The following RASGRP1 variants were observed in gnomAD, a reference collection of about 807,000 sequenced individuals.
RASGRP1 encodes the protein RAS guanyl releasing protein 1.
Under a neutral mutation model 95.1 loss-of-function variants are expected in RASGRP1, and 37 were observed. That is an observed-to-expected ratio of 0.39 (90% confidence interval 0.30 to 0.51). The LOEUF is 0.51. Among genes scored for constraint, RASGRP1 ranks in the 20% least tolerant of loss-of-function variants. The pLI is 0.80. For synonymous variants in RASGRP1, 325 were observed against 353.4 expected (o/e 0.92, Z 0.90); for missense variants, 711 against 965.4 (o/e 0.74, Z 3.49).
chr15:38,513,100 C>T, intron 6 of RASGRP1, 144 bp from the exon 7 acceptor site: 1 of 779,986 alleles, frequency 1.3e-6, no homozygotes, highest in Non-Finnish European at 1.8e-6. Context: ...TGCTCTTCTG[C>T]ATCTTGGCCA....
intron 7 of RASGRP1, among the ~76,000 whole-genome samples, chr15:38,512,433 C>T (rs549500062): frequency 1.3e-5 from 2 of 152,332 alleles, no homozygotes; most frequent in Admixed American, 1.3e-4. Flanking sequence ...GATGGTCCAG[C>T]TCCAGTAAAT....
rs756619659 is a variant in RASGRP1 at position 38,502,356 on chromosome 15, A to T, written c.1494T>A (p.Ile498=). ...GYISQEEFEK[I]AASFPFSFCV... ...AGAAGGAAAATGGAAAACTCGCAGCAATCTTTTCAAATTCTTCCTGAGAAA... is the reference window on the plus strand; with the variant it reads ...AGAAGGAAAATGGAAAACTCGCAGCTATCTTTTCAAATTCTTCCTGAGAAA... The change falls in exon 12 of 17, where the codon ATT becomes ATA. Residue 498 remains isoleucine, a synonymous_variant. Transcript: ENST00000310803. The T allele has an allele frequency of 2.2e-5, 36 of 1,605,218 alleles. No homozygotes were observed. The Middle Eastern group carries it at 6.6e-4, about 29-fold the overall frequency.
intron 7 of RASGRP1, 101 bp from the exon 8 acceptor site, chr15:38,511,821 C>T (rs938686832): frequency 1.6e-5 from 11 of 689,022 alleles, no homozygotes; most frequent in African/African-American, 3.6e-5. Flanking sequence ...GTCTCCCTTA[C>T]GCTGGTTAAA....
chr15:38,543,021 G>C (rs1332428388), intron 2 of RASGRP1, among the ~76,000 whole-genome samples: 3 of 150,360 alleles, frequency 2.0e-5, no homozygotes, highest in Non-Finnish European at 4.4e-5. Flanking sequence ...CTTTTGATGA[G>C]AAGTTTTTGA....
At chr15:38,497,463 C>A (rs1457301690) in intron 15 of RASGRP1, among the ~76,000 whole-genome samples, 1 of 151,874 alleles carries the variant, frequency 6.6e-6, no homozygotes, top group African/African-American at 2.4e-5. Context: ...TACTGTACAT[C>A]CTATCTGGAA....
chr15:38,501,469 T>A, intron 12 of RASGRP1, 182 bp from the exon 13 acceptor site: 1 of 781,604 alleles, frequency 1.3e-6, no homozygotes, highest in Non-Finnish European at 2.2e-6. Flanking sequence ...TGACATGTGG[T>A]AAGTAGGTAA....
intron 7 of RASGRP1, 48 bp downstream of exon 7, chr15:38,512,735 A>C: frequency 6.2e-7 from 1 of 1,605,034 alleles, no homozygotes; most frequent in Non-Finnish European, 8.5e-7. Context: ...AAGGGGATAG[A>C]AAGTTTACCT....
intron 2 of RASGRP1, among the ~76,000 whole-genome samples, chr15:38,542,869 A>ATATGTG (rs1372944504): frequency 7.1e-6 from 1 of 140,428 alleles, no homozygotes; most frequent in Non-Finnish European, 1.5e-5. Context: ...ATACACATAT[A>ATATGTG]TGTGTATATA....
intron 2 of RASGRP1, among the ~76,000 whole-genome samples, chr15:38,541,983 G>A (rs1338520314): frequency 3.3e-5 from 5 of 152,098 alleles, no homozygotes; most frequent in African/African-American, 7.2e-5. Context: ...TAGACTAAGA[G>A]GCAGGTGAGA....
chr15:38,553,505 C>T (rs1893420118), intron 2 of RASGRP1, among the ~76,000 whole-genome samples: 1 of 152,164 alleles, frequency 6.6e-6, no homozygotes, highest in Non-Finnish European at 1.5e-5. Context: ...CAGTTCCTCC[C>T]CAGCTAAGCC....
intron 1 of RASGRP1, among the ~76,000 whole-genome samples, chr15:38,561,497 A>G (rs1373690163): frequency 2.0e-5 from 3 of 152,242 alleles, no homozygotes; most frequent in South Asian, 2.1e-4. Flanking sequence ...CTGACAGGAT[A>G]TAATCTCAAC....
At chr15:38,511,453 A>G (rs1282175167) in intron 8 of RASGRP1, 151 bp downstream of exon 8, 13 of 601,058 alleles carry the variant, frequency 2.2e-5, no homozygotes, top group Non-Finnish European at 3.9e-5. Flanking sequence ...CATCCTATGG[A>G]TTTCCTTAAG....
chr15:38,533,276 C>T (rs1428433972), intron 2 of RASGRP1, among the ~76,000 whole-genome samples: 1 of 152,142 alleles, frequency 6.6e-6, no homozygotes, highest in Admixed American at 6.5e-5. Context: ...AAGGTTAGAG[C>T]AGAGCCTGTG....
Position 38,490,270 on chromosome 15 carries a change from A to G in RASGRP1, c.*284T>C, listed in dbSNP as rs1038668503. ...CAGGCCACCGAGATGCCCCATTGTC[A>G]GGAAATGATAGTCATGTTTTAGATC... On this transcript the variant is annotated 3_prime_UTR_variant, in exon 17 of 17. Transcript: ENST00000310803. 1.6e-5 allele frequency: 4 copies of G among 252,622 alleles called. No homozygotes were observed. The highest frequency in any genetic ancestry group is 3.0e-5 in the Non-Finnish European group (4 of 134,148). The allele number at this position is 252,622 out of a possible 1,614,324, so 15.6% of individuals were successfully genotyped here.
chr15:38,501,040 C>T, intron 13 of RASGRP1, 103 bp downstream of exon 13: 1 of 1,334,690 alleles, frequency 7.5e-7, no homozygotes, highest in Non-Finnish European at 1.0e-6. Context: ...GTCTGGGCTC[C>T]AAGCTGGGAT....
At chr15:38,557,599 A>ATGTGTG (rs1228086838) in intron 2 of RASGRP1, among the ~76,000 whole-genome samples, 2 of 119,334 alleles carry the variant, frequency 1.7e-5, no homozygotes, top group Admixed American at 8.8e-5. Context: ...CTTTGTATAT[A>ATGTGTG]TATGTGTGTG....
intron 14 of RASGRP1, 198 bp from the exon 15 acceptor site, chr15:38,499,144 C>G (rs750081481): frequency 2.7e-6 from 2 of 752,014 alleles, no homozygotes; most frequent in Non-Finnish European, 4.7e-6. Context: ...TGATGTAGCC[C>G]TTATCAGTGA....
chr15:38,560,869 T>A (rs1358268039), intron 1 of RASGRP1, among the ~76,000 whole-genome samples: 1 of 152,216 alleles, frequency 6.6e-6, no homozygotes, highest in Non-Finnish European at 1.5e-5. Context: ...TCCAATGGAC[T>A]TTCATCTACT....
At chr15:38,527,984 G>A (rs933494168) in intron 2 of RASGRP1, among the ~76,000 whole-genome samples, 3 of 151,864 alleles carry the variant, frequency 2.0e-5, no homozygotes, top group Non-Finnish European at 4.4e-5. Flanking sequence ...ATATTAAAAT[G>A]TATATATATA....
Sources: allele counts gnomAD v4.1 joint callset (sites outside exome capture counted in the v4.1 genomes callset), GRCh38; gene constraint gnomAD v4.1.1; transcripts MANE v1.5; gene names NCBI Gene and HGNC (gene_info 2026-07-23, HGNC 2026-07-21).